The following GRID2 variants were observed in gnomAD, a reference collection of about 807,000 sequenced individuals.
GRID2 encodes glutamate receptor ionotropic, delta-2.
A neutral mutation model predicts 114.8 loss-of-function variants in GRID2; 33 were observed. That is an observed-to-expected ratio of 0.29 (90% CI 0.22 to 0.38). The LOEUF (loss-of-function observed/expected upper bound fraction) is 0.38. GRID2 is among the 10% of genes least tolerant of loss of function. The probability of loss-of-function intolerance (pLI) is 1.00; values close to 1 mark genes in which losing one functional copy is unlikely to be tolerated. For synonymous variants in GRID2, 505 were observed against 449.9 expected, an observed-to-expected ratio of 1.12 and a Z score of -1.55; for missense variants, 1,184 against 1,257.7, an observed-to-expected ratio of 0.94 and a Z score of 0.89.
At chr4:93,537,674 G>C (rs1424618828) in intron 13 of GRID2, among the ~76,000 whole-genome samples, 1 of 151,752 alleles carries the variant, frequency 6.6e-6, no homozygotes, top group Non-Finnish European at 1.5e-5. Context: ...AAGATATTTG[G>C]AGAGTTGATG....
chr4:93,263,267 G>T (rs760507846), intron 8 of GRID2, among the ~76,000 whole-genome samples: 1 of 151,868 alleles, frequency 6.6e-6, no homozygotes, highest in Non-Finnish European at 1.5e-5. Flanking sequence ...AGAAAAAGTA[G>T]TAATTTCAAT....
intron 13 of GRID2, among the ~76,000 whole-genome samples, chr4:93,599,260 C>G (rs1490376747): frequency 6.6e-6 from 1 of 152,156 alleles, no homozygotes; most frequent in Non-Finnish European, 1.5e-5. Flanking sequence ...GCAAAAGAAG[C>G]AGATCTGGAG....
chr4:92,565,253 A>G (rs943192743), intron 1 of GRID2, among the ~76,000 whole-genome samples: 6 of 152,060 alleles, frequency 3.9e-5, no homozygotes, highest in African/African-American at 1.4e-4. Flanking sequence ...ATTCTCTGAA[A>G]GTGATGTTTC....
In GRID2 at chr4:93,054,694, G is replaced by A. The variant is rs184842664; in HGVS notation, c.245-30301G>A. On this transcript the variant is annotated intron_variant, in intron 2 of 15. Transcript: ENST00000282020. ...TGGTAGAGTCTCTTCAATATTAGCT[G>A]ATTTTATCCATTGTTAAGATGGTGT... Among the ~76,000 whole-genome samples, 235 of 151,876 alleles carry A rather than the reference G, an allele frequency of 1.5e-3. 1 individual carries two copies. The highest frequency in any genetic ancestry group is 5.5e-3 in the African/African-American group (228 of 41,492).
intron 8 of GRID2, among the ~76,000 whole-genome samples, chr4:93,339,508 C>A (rs1478324703): frequency 6.6e-6 from 1 of 152,102 alleles, no homozygotes; most frequent in Non-Finnish European, 1.5e-5. Flanking sequence ...GGTTCCCCTG[C>A]AGGTTTCAGA....
At chr4:93,104,323 A>G (rs1198155143) in intron 3 of GRID2, among the ~76,000 whole-genome samples, 4 of 152,164 alleles carry the variant, frequency 2.6e-5, no homozygotes, top group African/African-American at 9.7e-5. Context: ...TATTATGATT[A>G]TACTTTAAGT....
chr4:92,681,454 C>A (rs1287221974), intron 2 of GRID2, among the ~76,000 whole-genome samples: 1 of 152,000 alleles, frequency 6.6e-6, no homozygotes, highest in Non-Finnish European at 1.5e-5. Flanking sequence ...TGGTTTCTAG[C>A]TTCTTCCACG....
At chr4:93,795,206 A>G (rs1165552522) in intron 1 of GRID2, among the ~76,000 whole-genome samples, 1 of 152,270 alleles carries the variant, frequency 6.6e-6, no homozygotes, top group African/African-American at 2.4e-5. Flanking sequence ...TTATTACTAT[A>G]GTATATAGTA....
At chr4:93,224,796 T>A in intron 7 of GRID2, 21 bp downstream of exon 7, 1 of 1,535,960 alleles carries the variant, frequency 6.5e-7, no homozygotes, top group Non-Finnish European at 9.0e-7. Flanking sequence ...AATTTTCATG[T>A]AAAAAGGATA....
At chr4:92,836,196 A>G (rs1044216627) in intron 2 of GRID2, among the ~76,000 whole-genome samples, 9 of 152,156 alleles carry the variant, frequency 5.9e-5, no homozygotes, top group African/African-American at 2.2e-4. Flanking sequence ...CCAAGCCTAA[A>G]CTATTTACAA....
At chr4:93,361,932 A>G (rs753098199) in intron 8 of GRID2, among the ~76,000 whole-genome samples, 65 of 152,068 alleles carry the variant, frequency 4.3e-4, no homozygotes, top group Non-Finnish European at 7.8e-4. Flanking sequence ...CTATCAACCC[A>G]TCACCTAGGT....
At chr4:93,270,636 TG>T (rs1203755988) in intron 8 of GRID2, among the ~76,000 whole-genome samples, 8 of 151,948 alleles carry the variant, frequency 5.3e-5, no homozygotes, top group Non-Finnish European at 1.0e-4. Context: ...TGTTTTGTTT[TG>T]TTTTTTTTTG....
At chr4:92,640,782 C>G (rs1239558299) in intron 2 of GRID2, among the ~76,000 whole-genome samples, 1 of 151,672 alleles carries the variant, frequency 6.6e-6, no homozygotes, top group Non-Finnish European at 1.5e-5. Flanking sequence ...TTGCCTCTAC[C>G]AGGTTATTGC....
chr4:92,753,236 A>C (rs985031785), intron 2 of GRID2, among the ~76,000 whole-genome samples: 1 of 152,184 alleles, frequency 6.6e-6, no homozygotes, highest in African/African-American at 2.4e-5. Context: ...GCCTGGTTTT[A>C]TTAGATTATG....
chr4:92,395,712 C>A (rs925062842), intron 1 of GRID2, among the ~76,000 whole-genome samples: 4 of 151,730 alleles, frequency 2.6e-5, no homozygotes, highest in African/African-American at 9.7e-5. Flanking sequence ...GCATAGGTAA[C>A]ATTTATTGTA....
chr4:93,370,777 T>C (rs1306246811), intron 8 of GRID2, among the ~76,000 whole-genome samples: 2 of 152,184 alleles, frequency 1.3e-5, no homozygotes, highest in Non-Finnish European at 2.9e-5. Flanking sequence ...GTGTTTATTT[T>C]CCCTGTGTGA....
chr4:93,380,908 A>G (rs1244327483), intron 8 of GRID2, among the ~76,000 whole-genome samples: 1 of 152,042 alleles, frequency 6.6e-6, no homozygotes, highest in Non-Finnish European at 1.5e-5. Flanking sequence ...GCTCACTGGG[A>G]TAGTTCAATT....
At chr4:92,522,907 C>T (rs1205641932) in intron 1 of GRID2, among the ~76,000 whole-genome samples, 1 of 151,886 alleles carries the variant, frequency 6.6e-6, no homozygotes, top group Non-Finnish European at 1.5e-5. Context: ...ATTTGCATGG[C>T]CCCTTAAGCA....
intron 1 of GRID2, among the ~76,000 whole-genome samples, chr4:92,582,272 AC>A (rs1448922236): frequency 1.1e-3 from 169 of 152,044 alleles, no homozygotes; most frequent in African/African-American, 3.5e-3. Context: ...AACAACAACA[AC>A]AAAACTCCTT....
Sources: allele counts gnomAD v4.1 joint callset (sites outside exome capture counted in the v4.1 genomes callset), GRCh38; gene constraint gnomAD v4.1.1; transcripts MANE v1.5; gene names NCBI Gene and HGNC (gene_info 2026-07-23, HGNC 2026-07-21).